GPR176: variants seen among roughly 807,000 people sequenced by gnomAD.
The protein encoded by GPR176 is G protein-coupled receptor 176, also known as G-protein coupled receptor 176.
GPR176 carries 26 observed loss-of-function variants against 35.4 expected under a neutral mutation model. The ratio of observed to expected loss-of-function variants is 0.74; its 90% CI spans 0.54 to 1.02. The LOEUF is 1.02. Among genes scored for constraint, GPR176 ranks in the 50% least tolerant of loss-of-function variants. The pLI, the probability that GPR176 is intolerant of heterozygous loss-of-function variation, is 0.00. For missense variants in GPR176, 597 were observed against 665.3 expected (o/e 0.90, Z 1.13); for synonymous variants, 278 against 271.3 (o/e 1.02, Z -0.24).
chr15:39,837,455 T>C (rs1181369564), intron 1 of GPR176, among the ~76,000 whole-genome samples: 1 of 152,172 alleles, frequency 6.6e-6, no homozygotes, highest in Non-Finnish European at 1.5e-5. Context: ...TGTACATACG[T>C]GGTAAATCCT....
intron 1 of GPR176, among the ~76,000 whole-genome samples, chr15:39,919,152 C>CA (rs2033804741): frequency 6.6e-6 from 1 of 152,212 alleles, no homozygotes; most frequent in South Asian, 2.1e-4. Flanking sequence ...ACTAGCCACT[C>CA]ATTTTAATTC....
intron 1 of GPR176, chr15:39,829,330 C>T: frequency 2.2e-6 from 3 of 1,354,422 alleles, no homozygotes; most frequent in South Asian, 1.6e-5. Context: ...ACAAAGAATG[C>T]CAAAGTTCCA....
At chr15:39,892,614 A>G (rs2032917910) in intron 1 of GPR176, among the ~76,000 whole-genome samples, 1 of 152,204 alleles carries the variant, frequency 6.6e-6, no homozygotes, top group African/African-American at 2.4e-5. Flanking sequence ...CCTTCCTTAT[A>G]AGAAGAGAGA....
At chr15:39,905,875 A>G (rs1034198001) in intron 1 of GPR176, among the ~76,000 whole-genome samples, 1 of 152,152 alleles carries the variant, frequency 6.6e-6, no homozygotes, top group Non-Finnish European at 1.5e-5. Flanking sequence ...GGTGATGGAA[A>G]TTTCGAGGGC....
chr15:39,889,410 G>C (rs950745063), intron 1 of GPR176, among the ~76,000 whole-genome samples: 8 of 151,968 alleles, frequency 5.3e-5, no homozygotes, highest in African/African-American at 1.9e-4. Flanking sequence ...AGCCAGGCAT[G>C]GTGGCGCACA....
intron 1 of GPR176, among the ~76,000 whole-genome samples, chr15:39,848,534 A>G (rs2030608749): frequency 6.6e-6 from 1 of 152,148 alleles, no homozygotes; most frequent in Non-Finnish European, 1.5e-5. Context: ...TGCCCACAAG[A>G]TATATATCAA....
At chr15:39,894,320 C>A (rs567420964) in intron 1 of GPR176, 1 of 122,434 alleles carries the variant, frequency 8.2e-6, no homozygotes, top group Non-Finnish European at 1.9e-5. Context: ...CTGACCCCCC[C>A]ACCTCCCTCC....
intron 1 of GPR176, among the ~76,000 whole-genome samples, chr15:39,882,077 C>T (rs1179337705): frequency 6.6e-6 from 1 of 152,148 alleles, no homozygotes; most frequent in African/African-American, 2.4e-5. Flanking sequence ...ATAATGCTTT[C>T]TGGAATGAAA....
intron 1 of GPR176, among the ~76,000 whole-genome samples, chr15:39,833,663 A>T (rs935361171): frequency 2.0e-5 from 3 of 152,224 alleles, no homozygotes; most frequent in African/African-American, 7.2e-5. Context: ...TAAGTGAATT[A>T]CATGTCAATA....
At chr15:39,919,520 T>C (rs2033817373) in intron 1 of GPR176, among the ~76,000 whole-genome samples, 1 of 152,210 alleles carries the variant, frequency 6.6e-6, no homozygotes, top group Admixed American at 6.5e-5. Flanking sequence ...ACAGAATCTT[T>C]ATTCCTCGCT....
At chr15:39,839,959 G>T (rs1164869767) in intron 1 of GPR176, among the ~76,000 whole-genome samples, 1 of 152,104 alleles carries the variant, frequency 6.6e-6, no homozygotes, top group Non-Finnish European at 1.5e-5. Context: ...TTAGAATGGC[G>T]ATCATTAAAA....
intron 1 of GPR176, among the ~76,000 whole-genome samples, chr15:39,894,291 C>T (rs1236073347): frequency 3.8e-4 from 38 of 101,086 alleles, no homozygotes; most frequent in East Asian, 6.5e-4. Context: ...CCGGACGGGG[C>T]GGCTGGCCGG....
intron 1 of GPR176, among the ~76,000 whole-genome samples, chr15:39,839,437 G>A (rs1022543079): frequency 2.0e-5 from 3 of 152,166 alleles, no homozygotes; most frequent in African/African-American, 7.2e-5. Flanking sequence ...GTAGAAAGCT[G>A]AAACTGAATC....
chr15:39,918,828 T>C (rs1284077689), intron 1 of GPR176, among the ~76,000 whole-genome samples: 1 of 152,200 alleles, frequency 6.6e-6, no homozygotes, highest in Non-Finnish European at 1.5e-5. Context: ...GAAATTCTTC[T>C]AAAAATAGTC....
intron 1 of GPR176, among the ~76,000 whole-genome samples, chr15:39,836,153 G>T (rs1901388139): frequency 6.6e-6 from 1 of 152,138 alleles, no homozygotes; most frequent in African/African-American, 2.4e-5. Context: ...GTTCTGGAAA[G>T]AGTGGAAAGG....
At chr15:39,908,247 C>T (rs1253854022) in intron 1 of GPR176, among the ~76,000 whole-genome samples, 3 of 152,218 alleles carry the variant, frequency 2.0e-5, no homozygotes, top group African/African-American at 7.2e-5. Flanking sequence ...TGATCCTCCT[C>T]AGTGTCTATG....
intron 1 of GPR176, among the ~76,000 whole-genome samples, chr15:39,861,441 C>G (rs1330833370): frequency 6.6e-6 from 1 of 151,844 alleles, no homozygotes; most frequent in African/African-American, 2.4e-5. Context: ...TCCCAGCTAC[C>G]CGGAGGCTGA....
chr15:39,858,295 C>G (rs1411690184), intron 1 of GPR176, among the ~76,000 whole-genome samples: 1 of 152,124 alleles, frequency 6.6e-6, no homozygotes, highest in Non-Finnish European at 1.5e-5. Flanking sequence ...ATGGGAATCC[C>G]AAATCAAGAA....
chr15:39,875,098 A>G (rs2032192654), intron 1 of GPR176, among the ~76,000 whole-genome samples: 1 of 152,200 alleles, frequency 6.6e-6, no homozygotes, highest in African/African-American at 2.4e-5. Context: ...ACGTGAGTCT[A>G]CCATAGACTA....
Sources: allele counts gnomAD v4.1 joint callset (sites outside exome capture counted in the v4.1 genomes callset), GRCh38; gene constraint gnomAD v4.1.1; transcripts MANE v1.5; gene names NCBI Gene and HGNC (gene_info 2026-07-23, HGNC 2026-07-21).